SEC14L5: variants seen among roughly 807,000 people sequenced by gnomAD.
SEC14L5 encodes the protein SEC14 like lipid binding 5.
SEC14L5 carries 96 observed loss-of-function variants against 84.6 expected under a neutral mutation model. The ratio of observed to expected loss-of-function variants is 1.13; its 90% CI spans 0.96 to 1.34. The LOEUF (loss-of-function observed/expected upper bound fraction) is 1.34. SEC14L5 is among the 40% of genes most tolerant of loss of function. SEC14L5 has a pLI of 0.00. For missense variants in SEC14L5, 1,224 were observed against 942.5 expected, an observed-to-expected ratio of 1.30 and a Z score of -3.91; for synonymous variants, 546 against 383.4, an observed-to-expected ratio of 1.42 and a Z score of -4.95.
At chr16:5,010,830 G>A in intron 14 of SEC14L5, 1 of 477,492 alleles carries the variant, frequency 2.1e-6, no homozygotes, top group South Asian at 4.1e-5. Context: ...AAGCACCTCT[G>A]TTGTCCTGAA....
rs565641312 is a variant in SEC14L5, at chr16:5,013,584, G to T, written c.1980-1275G>T. 1.0e-3 allele frequency among the ~76,000 whole-genome samples: 129 copies of T among 124,216 alleles called. 1 individual carries two copies. Among genetic ancestry groups the T allele is most frequent in the African/African-American group, 3.7e-3 (122 of 32,978 alleles). The allele number at this position is 124,216 out of a possible 152,430, so 81.5% of individuals were successfully genotyped here. A position where few individuals can be genotyped will look rare whatever the true frequency, so the allele number is the denominator to read the frequency against. On this transcript the variant is annotated intron_variant, in intron 15 of 15. Transcript: ENST00000251170. ...TTTTTTTTTTTTTTTTTGGAGACAG[G>T]GTTTCACTCTGTCACCCAGGCTGGA...
At chr16:5,003,305 A>G (rs1955696063) in intron 10 of SEC14L5, 97 bp from the exon 11 acceptor site, 2 of 914,396 alleles carry the variant, frequency 2.2e-6, no homozygotes, top group Non-Finnish European at 3.4e-6. Flanking sequence ...TCCCAGCCCT[A>G]TCTCTCGGAG....
At chr16:5,006,241 A>G (rs1487583863) in intron 12 of SEC14L5, among the ~76,000 whole-genome samples, 193 bp downstream of exon 12, 1 of 152,214 alleles carries the variant, frequency 6.6e-6, no homozygotes, top group Non-Finnish European at 1.5e-5. Flanking sequence ...AAGAGAGGTG[A>G]TGCTGTTCTG....
intron 12 of SEC14L5, among the ~76,000 whole-genome samples, chr16:5,006,753 CA>C (rs1955736089): frequency 6.6e-6 from 1 of 152,222 alleles, no homozygotes; most frequent in African/African-American, 2.4e-5. Flanking sequence ...TTATTTTTAG[CA>C]AACGGTTCTG....
chr16:4,975,546 C>A (rs28565065), intron 2 of SEC14L5, among the ~76,000 whole-genome samples: 102,755 of 150,334 alleles, frequency 0.68, 35,973 homozygotes, highest in Admixed American at 0.75. Context: ...TGTATATATA[C>A]CACGTTTCTA....
rs1178495010 is a variant in SEC14L5, at chr16:5,007,388, C to T, written c.1474C>T (p.Leu492Phe). 1 of 1,613,862 alleles carries T rather than the reference C, an allele frequency of 6.2e-7. No homozygotes were observed. ...VPEGGLVPKS[L>F]YMTEEEQEHT... ...CGAAGGAGGGCTGGTCCCCAAGTCC[C>T]TCTACATGACAGAAGAGGAGCAGGA... The change falls in exon 13 of 16, where the codon CTC becomes TTC. Residue 492 changes from leucine to phenylalanine, a missense_variant. Transcript: ENST00000251170.
intron 1 of SEC14L5, among the ~76,000 whole-genome samples, chr16:4,958,789 G>T (rs59359988): frequency 6.6e-6 from 1 of 152,086 alleles, no homozygotes; most frequent in African/African-American, 2.4e-5. Flanking sequence ...GTACATGTGT[G>T]TGATAGAGAC....
Position 5,007,345 on chromosome 16 carries a change from C to G in SEC14L5, c.1438-7C>G. 6.2e-7 allele frequency: 1 copy of G among 1,613,362 alleles called. No individual in the cohort carries two copies. Among genetic ancestry groups the G allele is most frequent in the South Asian group, 1.1e-5 (1 of 90,968 alleles). On this transcript the variant is annotated splice_polypyrimidine_tract_variant and splice_region_variant and intron_variant, in intron 12 of 15. Coordinates refer to ENST00000251170, the MANE Select transcript of SEC14L5 (RefSeq NM_014692.2). Reference sequence around the variant, plus strand: ...CTGACCTGCTGCCCTTTATCTCTGACCTGCAGTGTAATGTCCCCGAAGGAG... The same window carrying G: ...CTGACCTGCTGCCCTTTATCTCTGAGCTGCAGTGTAATGTCCCCGAAGGAG...
intron 2 of SEC14L5, among the ~76,000 whole-genome samples, chr16:4,968,050 G>T: frequency 6.8e-6 from 1 of 146,432 alleles, no homozygotes; most frequent in East Asian, 2.1e-4. Flanking sequence ...ACAGGGGCTT[G>T]CTCTGTTACT....
At chr16:5,006,794 C>A (rs1955736757) in intron 12 of SEC14L5, among the ~76,000 whole-genome samples, 1 of 152,164 alleles carries the variant, frequency 6.6e-6, no homozygotes, top group African/African-American at 2.4e-5. Context: ...TGGAAAGACA[C>A]TGAACAGTGT....
rs1015887123 is a variant in SEC14L5, at chr16:4,983,090, C to T, written c.64-4467C>T. On this transcript the variant is annotated intron_variant, in intron 2 of 15. Transcript: ENST00000251170. The stretch of plus-strand genomic sequence containing the variant: ...CGATCTCCGCTTACTGTAACCTCTG[C>T]TTCCTGGGTTCAAGCGATTCTCCTG... Among the ~76,000 whole-genome samples, 43 of 152,106 alleles carry T rather than the reference C, an allele frequency of 2.8e-4. 1 individual carries two copies. Among genetic ancestry groups the T allele is most frequent in the Admixed American group, 7.9e-4 (12 of 15,276 alleles).
intron 6 of SEC14L5, among the ~76,000 whole-genome samples, chr16:4,992,877 CATGT>C (rs1955566598): frequency 6.6e-6 from 1 of 152,142 alleles, no homozygotes; most frequent in South Asian, 2.1e-4. Context: ...TGCATACATA[CATGT>C]GTGTCTTATG....
At chr16:4,964,732 C>T (rs1955175632) in intron 2 of SEC14L5, among the ~76,000 whole-genome samples, 1 of 150,304 alleles carries the variant, frequency 6.7e-6, no homozygotes, top group Admixed American at 6.6e-5. Context: ...CACTGTGCCC[C>T]ACCTCTTCTT....
intron 8 of SEC14L5, among the ~76,000 whole-genome samples, chr16:4,997,704 G>C (rs1199213650): frequency 6.6e-6 from 1 of 152,138 alleles, no homozygotes; most frequent in African/African-American, 2.4e-5. Flanking sequence ...CACAGTTCTC[G>C]AGGCCAGAAG....
chr16:5,014,945 A>G lies in SEC14L5; in HGVS notation c.2066A>G (p.His689Arg), dbSNP rs754855917. ...TCGTCCTCCTCCTCCGGCCAGTCTCATAGCAGCTCCCTGGTCTCCAGATAG... is the reference window on the plus strand; with the variant it reads ...TCGTCCTCCTCCTCCGGCCAGTCTCGTAGCAGCTCCCTGGTCTCCAGATAG... Reference protein sequence around the residue: ...ATSSSSSGQSHSSSLVSR With the variant: ...ATSSSSSGQSRSSSLVSR Residue 689 changes from histidine to arginine, a missense_variant, in exon 16 of 16, where the codon CAT (histidine) becomes CGT (arginine). Coordinates refer to ENST00000251170, the MANE Select transcript of SEC14L5 (RefSeq NM_014692.2). 6.2e-7 allele frequency: 1 copy of G among 1,611,944 alleles called. No individual in the cohort carries two copies. The highest frequency in any genetic ancestry group is 1.3e-5 in the African/African-American group (1 of 75,056).
chr16:5,006,072 A>G, intron 12 of SEC14L5, 24 bp downstream of exon 12: 1 of 1,611,072 alleles, frequency 6.2e-7, no homozygotes, highest in Non-Finnish European at 8.5e-7. Context: ...GTCCACAGAC[A>G]GACCTGGGCT....
intron 5 of SEC14L5, among the ~76,000 whole-genome samples, chr16:4,991,295 C>G (rs2142506953): frequency 6.7e-6 from 1 of 149,324 alleles, no homozygotes; most frequent in South Asian, 2.1e-4. Context: ...AATTTTTAAA[C>G]AATGTGTTAT....
intron 2 of SEC14L5, among the ~76,000 whole-genome samples, chr16:4,967,200 A>G (rs2142476166): frequency 6.6e-6 from 1 of 152,280 alleles, no homozygotes; most frequent in African/African-American, 2.4e-5. Context: ...CTCCCTCTGG[A>G]GGCTCTAGAA....
At chr16:5,000,783 C>T (rs1250791448) in intron 9 of SEC14L5, 40 bp downstream of exon 9, 1 of 1,557,604 alleles carries the variant, frequency 6.4e-7, no homozygotes, top group Non-Finnish European at 8.7e-7. Context: ...GTGCCTGGGG[C>T]CGGGCCTGGG....
Sources: allele counts gnomAD v4.1 joint callset (sites outside exome capture counted in the v4.1 genomes callset), GRCh38; gene constraint gnomAD v4.1.1; transcripts MANE v1.5; gene names NCBI Gene and HGNC (gene_info 2026-07-23, HGNC 2026-07-21).